Variants in LOX observed in about 807,000 individuals in gnomAD.
The protein encoded by LOX is lysyl oxidase, also known as protein-lysine 6-oxidase.
A neutral mutation model predicts 50.5 loss-of-function variants in LOX; 12 were observed. That is an observed-to-expected ratio of 0.24 (90% CI 0.15 to 0.38). The LOEUF (loss-of-function observed/expected upper bound fraction) is 0.38, where lower values mean the gene tolerates loss of function less well. Ranked by LOEUF, LOX falls within the 10% of genes least tolerant of loss-of-function variation. LOX has a pLI of 1.00. For synonymous variants in LOX, 254 were observed against 230.6 expected (o/e 1.10, Z -0.92); for missense variants, 504 against 563.8 (o/e 0.89, Z 1.07).
rs768995006 is a variant in LOX, at chr5:122,077,387, C to T, written c.599G>A (p.Arg200Gln). The change falls in exon 1 of 7, where the codon CGG becomes CAG. Residue 200 changes from arginine to glutamine, a missense_variant. By Grantham distance (43) the Arg-to-Gln change is conservative (BLOSUM62 1). This residue lies in a region of LOX where 398 missense variants were observed against 365.8 expected (regional missense o/e 1.09). Coordinates refer to ENST00000231004, the MANE Select transcript of LOX (RefSeq NM_002317.7). The surrounding 1 kb of genome is among the most constrained non-coding windows in gnomAD (Gnocchi z 4.9). The stretch of plus-strand genomic sequence containing the variant: ...GAAGTAGCCAGTGCCGTATCCGGGC[C>T]GGTACCTGCCCCCAGGTCTGGGCCT... ...YERPRPGGRY[R>Q]PGYGTGYFQY... 1.9e-6 allele frequency: 3 copies of T among 1,613,812 alleles called. No homozygotes were observed. Among genetic ancestry groups the T allele is most frequent in the Admixed American group, 1.7e-5 (1 of 59,994 alleles).
chr5:122,069,688 C>A (rs1007223385), intron 6 of LOX, among the ~76,000 whole-genome samples: 12 of 152,094 alleles, frequency 7.9e-5, no homozygotes, highest in African/African-American at 2.7e-4. Flanking sequence ...CCTAGCAATT[C>A]TTTCAGGGAC....
rs1580568922 is a variant in LOX at position 122,078,108 on chromosome 5, T to C, written c.-123A>G. Reference sequence around the variant, plus strand: ...CAAGGAGGCGAGCGGAGCACGGGTATCTCAGTCTCCACCAAGCAATGCCAA... The same window carrying C: ...CAAGGAGGCGAGCGGAGCACGGGTACCTCAGTCTCCACCAAGCAATGCCAA... On this transcript the variant is annotated 5_prime_UTR_variant, in exon 1 of 7. Coordinates refer to ENST00000231004, the MANE Select transcript of LOX (RefSeq NM_002317.7). The C allele has an allele frequency of 5.4e-5, 50 of 917,508 alleles. No homozygotes were observed. In the East Asian group the frequency reaches 1.6e-3, roughly 29 times the overall value. 56.8% of individuals were successfully genotyped at this position (917,508 alleles called of 1,614,324 possible).
rs959950235 is a variant in LOX, at chr5:122,077,255, G to A, written c.631+100C>T. The stretch of plus-strand genomic sequence containing the variant: ...GGCGCGTGGGGGAGGGATCGGATCT[G>A]CGAGGACCGGGGCCCGCCGCGCCCA... On this transcript the variant is annotated intron_variant, in intron 1 of 6. Coordinates refer to ENST00000231004, the MANE Select transcript of LOX (RefSeq NM_002317.7). The surrounding 1 kb of genome is among the most constrained non-coding windows in gnomAD (Gnocchi z 4.9). 308 of 1,551,992 alleles carry A rather than the reference G, an allele frequency of 2.0e-4. No homozygotes were observed. The highest frequency in any genetic ancestry group is 2.6e-4 in the Non-Finnish European group (298 of 1,151,422).
At chr5:122,067,561 C>G (rs565337036) in intron 6 of LOX, among the ~76,000 whole-genome samples, 6 of 152,074 alleles carry the variant, frequency 3.9e-5, no homozygotes, top group Non-Finnish European at 8.8e-5. Flanking sequence ...ACCAGACTGA[C>G]CTGATGGCCT....
rs984576522 is a variant in LOX, at chr5:122,077,864, G to A, written c.122C>T (p.Ala41Val). ...PPREPPAAPGAWRQQIQWENN... is the reference protein window; with the variant it reads ...PPREPPAAPGVWRQQIQWENN... ...CTCCCATTGGATCTGCTGGCGCCAG[G>A]CGCCCGGAGCCGCCGGCGGCTCGCG... The change falls in exon 1 of 7, where the codon GCC (alanine) becomes GTC (valine). Residue 41 changes from alanine to valine, a missense_variant. Physicochemically the swap from Ala to Val is moderately conservative, Grantham distance 64 (BLOSUM62 0). Transcript: ENST00000231004. The surrounding 1 kb of genome is among the most constrained non-coding windows in gnomAD (Gnocchi z 4.9). The A allele has an allele frequency of 1.3e-6, 2 of 1,537,054 alleles. No homozygotes were observed. Among genetic ancestry groups the A allele is most frequent in the Middle Eastern group, 1.7e-4 (1 of 5,810 alleles).
chr5:122,070,449 TTG>T, intron 5 of LOX, 43 bp downstream of exon 5: 1 of 1,069,686 alleles, frequency 9.3e-7, no homozygotes, highest in Non-Finnish European at 1.4e-6. Flanking sequence ...AGAGGGCCTA[TTG>T]ATCTGCAATA....
In LOX at chr5:122,077,382, C is replaced by A. The variant is rs1473260982; in HGVS notation, c.604G>T (p.Gly202Ter). The A allele has an allele frequency of 1.9e-6, 3 of 1,613,964 alleles. No individual in the cohort carries two copies. Among genetic ancestry groups the A allele is most frequent in the Non-Finnish European group, 2.5e-6 (3 of 1,179,988 alleles). Residue 202 changes from glycine (G) to a stop codon, truncating the protein, a stop_gained, in exon 1 of 7, where the codon GGA (glycine) becomes TGA (stop). Coordinates refer to ENST00000231004, the MANE Select transcript of LOX (RefSeq NM_002317.7). LOFTEE classifies it high-confidence loss of function. The surrounding 1 kb of genome is among the most constrained non-coding windows in gnomAD (Gnocchi z 4.9). Reference protein sequence around the residue: ...RPRPGGRYRPGYGTGYFQYGL... With the variant: ...RPRPGGRYRP ...TACTGGAAGTAGCCAGTGCCGTATC[C>A]GGGCCGGTACCTGCCCCCAGGTCTG...
intron 3 of LOX, 62 bp downstream of exon 3, chr5:122,075,342 A>G: frequency 7.0e-7 from 1 of 1,435,432 alleles, no homozygotes. Flanking sequence ...CATTTGTGAT[A>G]TCAAAAATCA....
Position 122,077,717 on chromosome 5 carries a change from G to C in LOX, c.269C>G (p.Pro90Arg). 62 of 1,586,422 alleles carry C rather than the reference G, an allele frequency of 3.9e-5. No homozygotes were observed. The highest frequency in any genetic ancestry group is 5.3e-5 in the Non-Finnish European group (62 of 1,170,098). Residue 90 changes from proline (P) to arginine (R), a missense_variant, in exon 1 of 7, where the codon CCG (proline) becomes CGG (arginine). This residue lies in a region of LOX where 398 missense variants were observed against 365.8 expected (regional missense o/e 1.09). Coordinates refer to ENST00000231004, the MANE Select transcript of LOX (RefSeq NM_002317.7). The surrounding 1 kb of genome is among the most constrained non-coding windows in gnomAD (Gnocchi z 4.9). ...GCGGTTGTCGCGGATCAGCAGGATC[G>C]GAGTGCGGGGCTGCTGGGCGGAGGC... is the stretch of plus-strand genomic sequence containing the variant. ...ANASAQQPRT[P>R]ILLIRDNRTA...
chr5:122,073,266 C>A, intron 4 of LOX, among the ~76,000 whole-genome samples: 1 of 152,174 alleles, frequency 6.6e-6, no homozygotes, highest in East Asian at 1.9e-4. Context: ...TAGATTTTAA[C>A]TGACACGCAT....
intron 2 of LOX, 131 bp downstream of exon 2, chr5:122,076,762 C>T (rs897459021): frequency 1.3e-5 from 9 of 706,022 alleles, no homozygotes; most frequent in Admixed American, 9.6e-5. Context: ...CAGGAGGTCA[C>T]GTCCCACTTC....
In LOX at chr5:122,077,754, C is replaced by T. The variant is rs1442708152; in HGVS notation, c.232G>A (p.Gly78Ser). 1.0e-5 allele frequency: 16 copies of T among 1,559,012 alleles called. No homozygotes were observed. Among genetic ancestry groups the T allele is most frequent in the Non-Finnish European group, 1.4e-5 (16 of 1,156,980 alleles). ...TGCTGGGCGGAGGCGTTGGCTGCAC[C>T]AGGGACGGCGGCGCCCGGGTCCCGG... ...RRRDPGAAVP[G>S]AANASAQQPR... Residue 78 changes from glycine to serine, a missense_variant, in exon 1 of 7, where the codon GGT becomes AGT. Gly to Ser is a moderately conservative substitution (Grantham distance 56). This residue lies in a region of LOX where 398 missense variants were observed against 365.8 expected (regional missense o/e 1.09). Transcript: ENST00000231004. This position sits in a 1 kb window ranked among gnomAD's most constrained non-coding sequence, Gnocchi z 4.9.
In LOX at chr5:122,077,626, G is replaced by T; in HGVS notation, c.360C>A (p.Thr120=). 1 of 1,611,432 alleles carries T rather than the reference G, an allele frequency of 6.2e-7. No homozygotes were observed. Among genetic ancestry groups the T allele is most frequent in the Non-Finnish European group, 8.5e-7 (1 of 1,179,602 alleles). The change falls in exon 1 of 7, where the codon ACC becomes ACA. Residue 120 remains threonine (T), a synonymous_variant. Transcript: ENST00000231004. The surrounding 1 kb of genome is among the most constrained non-coding windows in gnomAD (Gnocchi z 4.9). ...AGCCAGCTTGGAACCAGTGACGGGC[G>T]GTGGGCCTGGGGCGGCCAGCGGTGA... ...SGVTAGRPRP[T]ARHWFQAGYS... is the part of the protein sequence containing the mutation.
At position 122,066,696 on chromosome 5, in the gene LOX, C is replaced by T. The variant is rs771432707; in HGVS notation, c.*47G>A. On this transcript the variant is annotated 3_prime_UTR_variant, in exon 7 of 7. Coordinates refer to ENST00000231004, the MANE Select transcript of LOX (RefSeq NM_002317.7). ...GAAGTTAGTCTATTTTTTCCCACTT[C>T]AGAACACCAGGCACTGATTTATCCA... is the stretch of plus-strand genomic sequence containing the variant. The T allele has an allele frequency of 1.3e-6, 2 of 1,549,556 alleles. No homozygotes were observed. The highest frequency in any genetic ancestry group is 1.1e-5 in the South Asian group (1 of 88,574).
rs76320194 is a variant in LOX at position 122,066,212 on chromosome 5, A to G, written c.*531T>C. The G allele has an allele frequency of 5.1e-3, 773 of 152,288 alleles. 19 individuals carry two copies. In the East Asian group the frequency reaches 0.052, roughly 10 times the overall value. 9.4% of individuals were successfully genotyped at this position (152,288 alleles called of 1,614,324 possible). ...ATTGCCATTTCTCTGCTATATAGTA[A>G]TATTTCTTGACACCAATGGTAATGT... On this transcript the variant is annotated 3_prime_UTR_variant, in exon 7 of 7. Coordinates refer to ENST00000231004, the MANE Select transcript of LOX (RefSeq NM_002317.7).
At position 122,070,067 on chromosome 5, in the gene LOX, G is replaced by T; in HGVS notation, c.1233C>A (p.Gly411=). Residue 411 remains glycine, a synonymous_variant, in exon 6 of 7, where the codon GGC becomes GGA. Transcript: ENST00000231004. ...RYTGHHAYAS[G]CTISPY ...ATAACACTTACGGTGAAATTGTGCA[G>T]CCTGAGGCATACGCATGATGTCCTG... The T allele has an allele frequency of 6.2e-7, 1 of 1,610,578 alleles. No homozygotes were observed. Among genetic ancestry groups the T allele is most frequent in the Non-Finnish European group, 8.5e-7 (1 of 1,177,060 alleles).
At chr5:122,074,796 A>G (rs1325425854) in intron 3 of LOX, among the ~76,000 whole-genome samples, 2 of 152,230 alleles carry the variant, frequency 1.3e-5, no homozygotes, top group Non-Finnish European at 2.9e-5. Flanking sequence ...GGAAAAAACA[A>G]TGAGGACTGG....
rs557957113 is a variant in LOX at position 122,063,905 on chromosome 5, T to C, written c.*2838A>G. On this transcript the variant is annotated 3_prime_UTR_variant, in exon 7 of 7. Coordinates refer to ENST00000231004, the MANE Select transcript of LOX (RefSeq NM_002317.7). ...ACTACAAATAATGCCTAGTGAGTAA[T>C]TGGATGATAGAAATTGTAAATAAAG... 6.6e-6 allele frequency: 1 copy of C among 152,018 alleles called. No individual in the cohort carries two copies. The highest frequency in any genetic ancestry group is 1.9e-4 in the East Asian group (1 of 5,168). The allele number at this position is 152,018 out of a possible 1,614,324, so 9.4% of individuals were successfully genotyped here.
intron 4 of LOX, 44 bp from the exon 5 acceptor site, chr5:122,070,633 C>A: frequency 9.8e-7 from 1 of 1,018,742 alleles, no homozygotes; most frequent in South Asian, 1.4e-5. Flanking sequence ...GGTATGTGGT[C>A]AGACTATGAT....
Sources: gnomAD v4.1 joint callset for allele counts (sites outside exome capture counted in the v4.1 genomes callset) on GRCh38, gnomAD v4.1.1 for gene constraint, gnomAD v4.1.1 regional missense constraint, Gnocchi (gnomAD v3.1) non-coding constraint, MANE v1.5 for transcripts, NCBI Gene and HGNC (gene_info 2026-07-23, HGNC 2026-07-21) for gene names.